BAZ2B: variants seen among roughly 807,000 people sequenced by gnomAD.
The protein encoded by BAZ2B is bromodomain adjacent to zinc finger domain protein 2B.
A neutral mutation model predicts 246.0 loss-of-function variants in BAZ2B; 91 were observed. The observed-to-expected ratio is 0.37, with a 90% CI of 0.31 to 0.44. The LOEUF is 0.44. BAZ2B is among the 20% of genes least tolerant of loss of function. The pLI is 1.00. For missense variants in BAZ2B, 2,332 were observed against 2,533.7 expected (o/e 0.92, Z 1.71); for synonymous variants, 855 against 860.0 (o/e 0.99, Z 0.10).
At chr2:159,444,170 T>G (rs538801894) in intron 6 of BAZ2B, 1 of 151,786 alleles carries the variant, frequency 6.6e-6, no homozygotes, top group Admixed American at 6.6e-5. Context: ...ACACCGAGAC[T>G]GCCATTGAAA....
At chr2:159,376,967 T>G (rs1225300122) in intron 25 of BAZ2B, among the ~76,000 whole-genome samples, 1 of 152,188 alleles carries the variant, frequency 6.6e-6, no homozygotes, top group Non-Finnish European at 1.5e-5. Context: ...TATATGTCCC[T>G]ATATGTCAGA....
Position 159,385,130 on chromosome 2 carries a change from C to T in BAZ2B, c.3686+25G>A, listed in dbSNP as rs371674967. 2.7e-4 allele frequency: 426 copies of T among 1,569,346 alleles called. 6 individuals carry two copies. The highest frequency in any genetic ancestry group is 1.4e-3 in the South Asian group (119 of 86,376). On this transcript the variant is annotated intron_variant, in intron 23 of 36. Transcript: ENST00000392783. ...AGAAAAATTCAAAATGGAAAAATCA[C>T]GGAAAAGCCTGGGCATATGCTCACC...
At chr2:159,350,395 C>T (rs556383449) in intron 27 of BAZ2B, 38 bp from the exon 28 acceptor site, 2 of 1,416,658 alleles carry the variant, frequency 1.4e-6, no homozygotes, top group Non-Finnish European at 1.9e-6. Flanking sequence ...TCAGTTACTC[C>T]AGATCAAACC....
chr2:159,669,506 A>G, the BAZ2B span, among the ~76,000 whole-genome samples: 2 of 152,088 alleles, frequency 1.3e-5, no homozygotes, highest in African/African-American at 4.8e-5. Flanking sequence ...TTGTTCTATC[A>G]ATTACTGAGA....
chr2:159,524,209 C>T (rs1335457038), intron 2 of BAZ2B, among the ~76,000 whole-genome samples: 1 of 152,028 alleles, frequency 6.6e-6, no homozygotes, highest in African/African-American at 2.4e-5. Context: ...ACATTGACGC[C>T]AGGAGTTTGT....
intron 1 of BAZ2B, among the ~76,000 whole-genome samples, chr2:159,580,308 A>G (rs1452715552): frequency 6.6e-6 from 1 of 152,224 alleles, no homozygotes; most frequent in East Asian, 1.9e-4. Context: ...GTGAACTCCC[A>G]TTCACAATTG....
At chr2:159,352,279 T>C (rs979527766) in intron 27 of BAZ2B, among the ~76,000 whole-genome samples, 8 of 152,222 alleles carry the variant, frequency 5.3e-5, no homozygotes, top group Non-Finnish European at 1.2e-4. Flanking sequence ...ATGTCTCAGA[T>C]AATAAACGTT....
At chr2:159,436,972 A>C (rs2072469394) in intron 8 of BAZ2B, among the ~76,000 whole-genome samples, 1 of 152,286 alleles carries the variant, frequency 6.6e-6, no homozygotes, top group South Asian at 2.1e-4. Context: ...GGTACTGACA[A>C]AGAGAAGGTA....
At chr2:159,586,952 C>T (rs912278652) in intron 1 of BAZ2B, among the ~76,000 whole-genome samples, 6 of 152,280 alleles carry the variant, frequency 3.9e-5, no homozygotes, top group South Asian at 4.1e-4. Context: ...AGTACATCTT[C>T]CAGAATGCCA....
At chr2:159,690,094 A>G in the BAZ2B span, 2 of 541,586 alleles carry the variant, frequency 3.7e-6, no homozygotes, top group Non-Finnish European at 6.1e-6. Context: ...CAACTTCATC[A>G]TTCTGCAAAT....
intron 2 of BAZ2B, among the ~76,000 whole-genome samples, chr2:159,520,051 G>A (rs538514209): frequency 6.6e-6 from 1 of 151,992 alleles, no homozygotes; most frequent in South Asian, 2.1e-4. Flanking sequence ...CTGGTGCAGA[G>A]GAAAGACAGC....
chr2:159,531,589 A>C (rs1315032061), intron 2 of BAZ2B, among the ~76,000 whole-genome samples: 1 of 152,196 alleles, frequency 6.6e-6, no homozygotes, highest in African/African-American at 2.4e-5. Flanking sequence ...TGAATACTAG[A>C]AGGTCACAGC....
chr2:159,509,319 T>C (rs1295745016), intron 2 of BAZ2B, among the ~76,000 whole-genome samples: 2 of 152,172 alleles, frequency 1.3e-5, no homozygotes, highest in East Asian at 3.8e-4. Flanking sequence ...GGAAACATCC[T>C]TTTATAACAT....
At chr2:159,560,684 C>T (rs748230336) in intron 1 of BAZ2B, among the ~76,000 whole-genome samples, 4 of 151,880 alleles carry the variant, frequency 2.6e-5, no homozygotes, top group African/African-American at 4.8e-5. Context: ...CCCACCACCA[C>T]GCCCAGCTAA....
chr2:159,485,624 A>T (rs1339782849), intron 2 of BAZ2B, among the ~76,000 whole-genome samples: 1 of 152,098 alleles, frequency 6.6e-6, no homozygotes, highest in African/African-American at 2.4e-5. Flanking sequence ...TTCCTTACCT[A>T]AAAAATTATG....
intron 12 of BAZ2B, 59 bp from the exon 13 acceptor site, chr2:159,428,101 G>GTA: frequency 6.8e-7 from 1 of 1,474,228 alleles, no homozygotes; most frequent in Non-Finnish European, 9.5e-7. Context: ...CAGCTTTGAT[G>GTA]TATAGCTAGC....
intron 2 of BAZ2B, among the ~76,000 whole-genome samples, chr2:159,553,014 G>T (rs541566790): frequency 6.6e-6 from 1 of 152,288 alleles, no homozygotes; most frequent in Admixed American, 6.5e-5. Context: ...ATGAATGTAA[G>T]TGTGGAGCCA....
the BAZ2B span, among the ~76,000 whole-genome samples, chr2:159,692,500 C>A: frequency 6.6e-6 from 1 of 151,934 alleles, no homozygotes; most frequent in African/African-American, 2.4e-5. Flanking sequence ...GGTTCATCTG[C>A]AAGTTTTTTC....
At chr2:159,599,721 G>C (rs986075726) in intron 1 of BAZ2B, among the ~76,000 whole-genome samples, 1 of 152,064 alleles carries the variant, frequency 6.6e-6, no homozygotes. Flanking sequence ...CGGATCACAA[G>C]GTTAGGAGAT....
Sources: allele counts gnomAD v4.1 joint callset (sites outside exome capture counted in the v4.1 genomes callset), GRCh38; gene constraint gnomAD v4.1.1; transcripts MANE v1.5; gene names NCBI Gene and HGNC (gene_info 2026-07-23, HGNC 2026-07-21).